Variants in DPH7 observed in about 807,000 individuals in gnomAD.
The protein encoded by DPH7 is diphthine methyltransferase.
Under a neutral mutation model 41.7 loss-of-function variants are expected in DPH7, and 44 were observed. That is an observed-to-expected ratio of 1.05 (90% confidence interval 0.83 to 1.36). DPH7 has a LOEUF of 1.36. DPH7 is among the 40% of genes most tolerant of loss of function. The pLI, the probability that DPH7 is intolerant of heterozygous loss-of-function variation, is 0.00. For synonymous variants in DPH7, 275 were observed against 238.0 expected (o/e 1.16, Z -1.43); for missense variants, 629 against 577.5 (o/e 1.09, Z -0.91).
Position 137,576,206 on chromosome 9 carries a change from G to A in DPH7, c.288-39C>T, listed in dbSNP as rs144080263. ...CCACCATAAGCACACCAATGTGCCC[G>A]GAGCACAGGCGTGCACTGTGCGTCC... On this transcript the variant is annotated intron_variant, in intron 2 of 8. Coordinates refer to ENST00000277540, the MANE Select transcript of DPH7 (RefSeq NM_138778.5). 20 of 1,581,478 alleles carry A rather than the reference G, an allele frequency of 1.3e-5. No individual in the cohort carries two copies. The East Asian group carries it at 2.0e-4, about 16-fold the overall frequency.
intron 2 of DPH7, 112 bp downstream of exon 2, chr9:137,577,358 C>T (rs1303826867): frequency 5.2e-6 from 6 of 1,149,114 alleles, no homozygotes; most frequent in Non-Finnish European, 7.5e-6. Flanking sequence ...AGCAAAGAAA[C>T]AAATCCAAAG....
In DPH7 at chr9:137,564,871, C is replaced by A. The variant is rs756560327; in HGVS notation, c.776+22G>T. On this transcript the variant is annotated intron_variant, in intron 7 of 8. Coordinates refer to ENST00000277540, the MANE Select transcript of DPH7 (RefSeq NM_138778.5). ...GACAGCGAAAGAGACGAGAAGGGCC[C>A]GAGAGCCTCCTGGGGACTCACCTTC... The A allele has an allele frequency of 9.5e-6, 15 of 1,580,752 alleles. No individual in the cohort carries two copies. The East Asian group carries it at 2.6e-4, about 27-fold the overall frequency.
rs576213081 is a variant in DPH7, at chr9:137,575,354, G to A, written c.376-511C>T. 125 of 988,486 alleles carry A rather than the reference G, an allele frequency of 1.3e-4. No homozygotes were observed. The African/African-American group carries it at 2.1e-3, about 16-fold the overall frequency. The allele number at this position is 988,486 out of a possible 1,614,324, so 61.2% of individuals were successfully genotyped here. A position where few individuals can be genotyped will look rare whatever the true frequency, so the allele number is the denominator to read the frequency against. ...TTTCATTTCCTAAACAGCCTGGCCA[G>A]TGCTTAACTCCATCCCTGCTCCCAG... On this transcript the variant is annotated intron_variant, in intron 3 of 8. Coordinates refer to ENST00000277540, the MANE Select transcript of DPH7 (RefSeq NM_138778.5).
Position 137,577,578 on chromosome 9 carries a change from T to C in DPH7, c.179A>G (p.Gln60Arg). The C allele has an allele frequency of 1.9e-6, 3 of 1,613,978 alleles. No individual in the cohort carries two copies. The highest frequency in any genetic ancestry group is 2.5e-6 in the Non-Finnish European group (3 of 1,179,930). Residue 60 changes from glutamine to arginine, a missense_variant, in exon 2 of 9, where the codon CAG (glutamine) becomes CGG (arginine). Gln to Arg is a conservative substitution (Grantham distance 43, BLOSUM62 1). Transcript: ENST00000277540. ...NKGGMEVKEP[Q>R]VRLGRLFLYS... ...CAGGAAGAGACGGCCTAAACGGACC[T>C]GAGGCTCCTTAACTTCCATTCCACC...
chr9:137,569,639 AATCCACCATCC>A (rs1321170186), intron 5 of DPH7, among the ~76,000 whole-genome samples: 36 of 112,806 alleles, frequency 3.2e-4, no homozygotes, highest in Admixed American at 5.6e-4. Flanking sequence ...TCCATCCAAC[AATCCACCATCC>A]ATCCACCATC....
intron 5 of DPH7, among the ~76,000 whole-genome samples, chr9:137,569,958 AATCCATCCATCCAGTCATCCACC>A (rs1840134074): frequency 2.6e-5 from 3 of 114,080 alleles, no homozygotes; most frequent in African/African-American, 1.1e-4. Flanking sequence ...ACCATCCAAA[AATCCATCCATCCAGTCATCCACC>A]ATCCATCCAT....
At chr9:137,559,607 T>C (rs918682411) in intron 8 of DPH7, among the ~76,000 whole-genome samples, 2 of 152,232 alleles carry the variant, frequency 1.3e-5, no homozygotes, top group Non-Finnish European at 2.9e-5. Flanking sequence ...TAGATAGCAG[T>C]AGTCAATTAG....
Position 137,578,846 on chromosome 9 carries a change from C to T in DPH7, c.-69G>A, listed in dbSNP as rs1588962217. 4 of 1,327,224 alleles carry T rather than the reference C, an allele frequency of 3.0e-6. No homozygotes were observed. In the East Asian group the frequency reaches 1.3e-4, roughly 42 times the overall value. The allele number at this position is 1,327,224 out of a possible 1,614,324, so 82.2% of individuals were successfully genotyped here. On this transcript the variant is annotated 5_prime_UTR_variant, in exon 1 of 9. Transcript: ENST00000277540. The stretch of plus-strand genomic sequence containing the variant: ...CGGCGGGGCCGGGCTGGGTACTGCG[C>T]GGGGCGGCGAGGCCGGGGCCGGCCG...
chr9:137,572,590 TC>T (rs1189159133), intron 5 of DPH7, among the ~76,000 whole-genome samples: 9 of 152,208 alleles, frequency 5.9e-5, no homozygotes, highest in Non-Finnish European at 5.9e-5. Flanking sequence ...TCAGATCTTT[TC>T]TTCGGCTGTT....
intron 8 of DPH7, among the ~76,000 whole-genome samples, chr9:137,559,848 G>A (rs539057320): frequency 1.1e-4 from 16 of 152,212 alleles, no homozygotes; most frequent in African/African-American, 2.9e-4. Context: ...GGCCACTACC[G>A]GTCTCTGCAC....
chr9:137,577,053 CAA>C (rs71493678), intron 2 of DPH7, among the ~76,000 whole-genome samples: 2 of 139,240 alleles, frequency 1.4e-5, no homozygotes, highest in Non-Finnish European at 1.6e-5. Flanking sequence ...AACCCTGCCT[CAA>C]AAAAAAAAAA....
At chr9:137,563,582 G>A (rs1184093610) in intron 8 of DPH7, among the ~76,000 whole-genome samples, 1 of 150,030 alleles carries the variant, frequency 6.7e-6, no homozygotes, top group East Asian at 1.9e-4. Flanking sequence ...AGTCAATCAA[G>A]TCCTTGAGTA....
chr9:137,563,824 G>A (rs1839060866), intron 8 of DPH7, among the ~76,000 whole-genome samples: 1 of 152,186 alleles, frequency 6.6e-6, no homozygotes. Flanking sequence ...TTTGAGCAGA[G>A]AGAAGAAAAT....
chr9:137,564,924 G>C lies in DPH7; in HGVS notation c.745C>G (p.Pro249Ala). Residue 249 changes from proline (P) to alanine (A), a missense_variant, in exon 7 of 9, where the codon CCT becomes GCT. Coordinates refer to ENST00000277540, the MANE Select transcript of DPH7 (RefSeq NM_138778.5). ...GTGGCCAGGATGTGCTCCCGATGAG[G>C]GCTGCTCTGGATGCTGCACACACCC... Reference protein sequence around the residue: ...TMGVCSIQSSPHREHILATGS... With the variant: ...TMGVCSIQSSAHREHILATGS... 1 of 1,596,890 alleles carries C rather than the reference G, an allele frequency of 6.3e-7. No individual in the cohort carries two copies. The highest frequency in any genetic ancestry group is 8.5e-7 in the Non-Finnish European group (1 of 1,171,660).
At position 137,556,304 on chromosome 9, in the gene DPH7, C is replaced by T. The variant is rs1837493548; in HGVS notation, c.950-656G>A. ...TGACGAGGCGTGGCCAAACCCGAGG[C>T]GATCTGGAGTCCAGGAGGCAAGGCC... On this transcript the variant is annotated intron_variant, in intron 8 of 8. Transcript: ENST00000277540. This position sits in a 1 kb window ranked among gnomAD's most constrained non-coding sequence, Gnocchi z 5.2. Among the ~76,000 whole-genome samples the T allele has an allele frequency of 6.6e-6, 1 of 152,182 alleles. No homozygotes were observed. The highest frequency in any genetic ancestry group is 2.4e-5 in the African/African-American group (1 of 41,440).
intron 5 of DPH7, among the ~76,000 whole-genome samples, chr9:137,569,326 C>T (rs1482754557): frequency 1.6e-5 from 2 of 127,466 alleles, no homozygotes; most frequent in Non-Finnish European, 3.3e-5. Flanking sequence ...CACCCCCCAC[C>T]CACCTTCCAT....
Position 137,574,377 on chromosome 9 carries a change from G to C in DPH7, c.471C>G (p.Ala157=), listed in dbSNP as rs777657933. 2.7e-5 allele frequency: 44 copies of C among 1,612,690 alleles called. No individual in the cohort carries two copies. The highest frequency in any genetic ancestry group is 3.6e-5 in the Non-Finnish European group (43 of 1,179,276). The change falls in exon 5 of 9, where the codon GCC becomes GCG. Residue 157 remains alanine, a synonymous_variant. Transcript: ENST00000277540. ...TGATGATCTTCAAGGGCTGGTCCCC[G>C]GCCCTAGACACAGGGAACCCATGAA... ...LDWSTGKTGR[A]GDQPLKIISS...
At chr9:137,571,819 C>T (rs1217730905) in intron 5 of DPH7, among the ~76,000 whole-genome samples, 1 of 152,020 alleles carries the variant, frequency 6.6e-6, no homozygotes, top group Non-Finnish European at 1.5e-5. Context: ...AATAATAAAA[C>T]TTAAAAAAGA....
intron 8 of DPH7, among the ~76,000 whole-genome samples, chr9:137,560,486 C>T (rs182271638): frequency 4.0e-5 from 6 of 151,872 alleles, no homozygotes; most frequent in East Asian, 3.9e-4. Context: ...TTTGGGAGGC[C>T]GAGGCAGGCA....
Sources: gnomAD v4.1 joint callset for allele counts (sites outside exome capture counted in the v4.1 genomes callset) on GRCh38, gnomAD v4.1.1 for gene constraint, Gnocchi (gnomAD v3.1) non-coding constraint, MANE v1.5 for transcripts, NCBI Gene and HGNC (gene_info 2026-07-23, HGNC 2026-07-21) for gene names.